AMOT: variants seen among roughly 807,000 people sequenced by gnomAD.
AMOT encodes the protein angiomotin.
In AMOT, 11 loss-of-function variants were observed where a neutral mutation model predicts 67.0. That is an observed-to-expected ratio of 0.16 (90% CI 0.10 to 0.27). The LOEUF (loss-of-function observed/expected upper bound fraction) is 0.27. AMOT is among the 10% of genes least tolerant of loss of function. The pLI is 1.00. For synonymous variants in AMOT, 326 were observed against 321.4 expected, an observed-to-expected ratio of 1.01 and a Z score of -0.15; for missense variants, 753 against 852.0, an observed-to-expected ratio of 0.88 and a Z score of 1.45.
chrX:112,787,841 A>C (rs143651271), intron 10 of AMOT, among the ~76,000 whole-genome samples: 1,295 of 111,993 alleles, frequency 0.012, 18 homozygotes, highest in African/African-American at 0.038. Context: ...CACCAGATTT[A>C]GGGATATAAT....
chrX:112,824,694 C>T (rs967212685), intron 3 of AMOT, among the ~76,000 whole-genome samples: 1 of 111,113 alleles, frequency 9.0e-6, no homozygotes, highest in African/African-American at 3.3e-5. Context: ...TTAAGCAACC[C>T]AGTCCCTTTT....
chrX:112,833,482 G>T (rs941504737), intron 1 of AMOT, among the ~76,000 whole-genome samples: 1 of 102,850 alleles, frequency 9.7e-6, no homozygotes, highest in Non-Finnish European at 2.0e-5. Context: ...GAGTAAAGGG[G>T]GGGGGGGGGT....
chrX:112,830,810 T>C (rs1934968574), intron 2 of AMOT, among the ~76,000 whole-genome samples: 1 of 112,147 alleles, frequency 8.9e-6, no homozygotes, highest in African/African-American at 3.2e-5. Flanking sequence ...GTTCATGGCC[T>C]GTAATAGCTT....
chrX:112,799,497 C>T (rs1933942243), intron 8 of AMOT, among the ~76,000 whole-genome samples: 1 of 112,041 alleles, frequency 8.9e-6, no homozygotes, highest in African/African-American at 3.2e-5. Context: ...AATGTCACAA[C>T]TGAAGTGTAT....
chrX:112,825,027 G>A (rs1176350290), intron 3 of AMOT, 45 bp downstream of exon 3: 2 of 95,148 alleles, frequency 2.1e-5, no homozygotes, highest in South Asian at 4.9e-4. Flanking sequence ...ACACATGCAC[G>A]AGCGTGTGCA....
rs750044468 is a variant in AMOT, at chrX:112,782,645, C to T, written c.2135G>A (p.Ser712Asn). Reference sequence around the variant, plus strand: ...GTCATAGCTGGTGTTAGGAGAGTGACTGATGACTGTTGTGTCCCTGGGGAG... The same window carrying T: ...GTCATAGCTGGTGTTAGGAGAGTGATTGATGACTGTTGTGTCCCTGGGGAG... ...VAAQRDTTVISHSPNTSYDTA... is the reference protein window; with the variant it reads ...VAAQRDTTVINHSPNTSYDTA... The change falls in exon 11 of 14, where the codon AGT (serine) becomes AAT (asparagine). Residue 712 changes from serine (S) to asparagine (N), a missense_variant. This residue lies in a region of AMOT where 269 missense variants were observed against 300.9 expected (regional missense o/e 0.89). Coordinates refer to ENST00000371959, the MANE Select transcript of AMOT (RefSeq NM_001113490.2). 1.7e-6 allele frequency: 2 copies of T among 1,210,583 alleles called. No individual in the cohort carries two copies. Among genetic ancestry groups the T allele is most frequent in the Admixed American group, 4.3e-5 (2 of 45,990 alleles).
At chrX:112,809,840 G>C in intron 7 of AMOT, 54 bp downstream of exon 7, 1 of 1,026,834 alleles carries the variant, frequency 9.7e-7, no homozygotes, top group Non-Finnish European at 1.4e-6. Context: ...ATCTTTTCAC[G>C]CACCTTGCTC....
chrX:112,815,899 T>G, intron 4 of AMOT, 22 bp from the exon 5 acceptor site: 1 of 1,153,225 alleles, frequency 8.7e-7, no homozygotes, highest in Non-Finnish European at 1.2e-6. Flanking sequence ...GAAGGGCAGG[T>G]GCGGGTTAAT....
intron 1 of AMOT, among the ~76,000 whole-genome samples, chrX:112,840,100 A>G (rs772679905): frequency 3.2e-4 from 36 of 111,598 alleles, no homozygotes; most frequent in African/African-American, 1.2e-3. Flanking sequence ...ACTGACATGC[A>G]TGCTGGGCTA....
chrX:112,811,592 G>A (rs916363400), intron 5 of AMOT, among the ~76,000 whole-genome samples, 199 bp from the exon 6 acceptor site: 3 of 111,452 alleles, frequency 2.7e-5, no homozygotes, highest in Admixed American at 9.5e-5. Flanking sequence ...ATTAACTCAT[G>A]GTGTCATGGT....
rs754250750 is a variant in AMOT, at chrX:112,782,667, G to A, written c.2118-5C>T. 1 of 1,205,303 alleles carries A rather than the reference G, an allele frequency of 8.3e-7. No individual in the cohort carries two copies. The highest frequency in any genetic ancestry group is 1.8e-5 in the South Asian group (1 of 55,625). Reference sequence around the variant, plus strand: ...TGACTGATGACTGTTGTGTCCCTGGGGAGGAAAATGGAAGTGATGAGATGG... The same window carrying A: ...TGACTGATGACTGTTGTGTCCCTGGAGAGGAAAATGGAAGTGATGAGATGG... On this transcript the variant is annotated splice_region_variant and splice_polypyrimidine_tract_variant and intron_variant, in intron 10 of 13. Coordinates refer to ENST00000371959, the MANE Select transcript of AMOT (RefSeq NM_001113490.2).
chrX:112,781,892 T>G (rs1415911671), intron 11 of AMOT, among the ~76,000 whole-genome samples: 1 of 111,468 alleles, frequency 9.0e-6, no homozygotes, highest in Non-Finnish European at 1.9e-5. Flanking sequence ...AGATGTTCTT[T>G]TTGTTGTTGT....
intron 12 of AMOT, among the ~76,000 whole-genome samples, chrX:112,780,100 G>A (rs189447748): frequency 2.3e-4 from 26 of 111,452 alleles, no homozygotes; most frequent in African/African-American, 8.1e-4. Flanking sequence ...ATTACCACAC[G>A]TTACCAGGGA....
intron 10 of AMOT, among the ~76,000 whole-genome samples, chrX:112,788,107 A>G (rs1933435407): frequency 9.1e-6 from 1 of 109,769 alleles, no homozygotes; most frequent in South Asian, 3.9e-4. Flanking sequence ...GGCTAACACA[A>G]TGAAACCCTG....
rs1932990549 is a variant in AMOT at position 112,778,357 on chromosome X, T to C, written c.*210A>G. 3.2e-6 allele frequency: 1 copy of C among 311,187 alleles called. No individual in the cohort carries two copies. The highest frequency in any genetic ancestry group is 4.5e-5 in the East Asian group (1 of 22,192). The allele number at this position is 311,187 out of a possible 1,213,427, so 25.6% of individuals were successfully genotyped here. A position where few individuals can be genotyped will look rare whatever the true frequency, so the allele number is the denominator to read the frequency against. On this transcript the variant is annotated 3_prime_UTR_variant, in exon 14 of 14. Transcript: ENST00000371959. ...AAGCTTTAGAGCACATTCTGATTAATCTGTCTTTAGAGGTACTCCCTAAGC... is the reference window on the plus strand; with the variant it reads ...AAGCTTTAGAGCACATTCTGATTAACCTGTCTTTAGAGGTACTCCCTAAGC...
rs1427631344 is a variant in AMOT at position 112,808,458 on chromosome X, AACCATACAGG to A, written c.1630+1426_1630+1435del. Among the ~76,000 whole-genome samples the A allele has an allele frequency of 2.1e-4, 24 of 111,743 alleles. No individual in the cohort carries two copies. The South Asian group carries it at 9.1e-3, about 42-fold the overall frequency. On this transcript the variant is annotated intron_variant, in intron 7 of 13. Coordinates refer to ENST00000371959, the MANE Select transcript of AMOT (RefSeq NM_001113490.2). ...CTTTCCTTTCTCCTGCCACAGTTCC[AACCATACAGG>A]ACCCTGTCAGTGTCCCAAGACGAAA...
rs942784688 is a variant in AMOT, at chrX:112,782,345, C to T, written c.2240+195G>A. 3.6e-5 allele frequency among the ~76,000 whole-genome samples: 4 copies of T among 112,140 alleles called. No homozygotes were observed. The Admixed American group carries it at 3.8e-4, about 11-fold the overall frequency. ...TAGGAAGGCCAAAGGGACAGAAACC[C>T]TACCTGGAATTCCATGTTTAGTGGA... On this transcript the variant is annotated intron_variant, in intron 11 of 13. Coordinates refer to ENST00000371959, the MANE Select transcript of AMOT (RefSeq NM_001113490.2).
intron 4 of AMOT, among the ~76,000 whole-genome samples, chrX:112,821,803 A>G (rs1033859256): frequency 8.9e-6 from 1 of 112,447 alleles, no homozygotes; most frequent in Non-Finnish European, 1.9e-5. Flanking sequence ...GTAACTGACA[A>G]GAAATACACA....
intron 7 of AMOT, among the ~76,000 whole-genome samples, chrX:112,809,176 G>GA (rs1290435647): frequency 1.5e-4 from 17 of 111,592 alleles, no homozygotes; most frequent in African/African-American, 5.5e-4. Flanking sequence ...GTTTCCCCCC[G>GA]ACTAATTCTC....
Sources: gnomAD v4.1 joint callset for allele counts (sites outside exome capture counted in the v4.1 genomes callset) on GRCh38, gnomAD v4.1.1 for gene constraint, gnomAD v4.1.1 regional missense constraint, MANE v1.5 for transcripts, NCBI Gene and HGNC (gene_info 2026-07-23, HGNC 2026-07-21) for gene names.